The following DSCAM variants were observed in gnomAD, a reference collection of about 807,000 sequenced individuals.
The protein encoded by DSCAM is cell adhesion molecule DSCAM.
DSCAM carries 47 observed loss-of-function variants against 217.7 expected under a neutral mutation model. The observed-to-expected ratio is 0.22, with a 90% confidence interval of 0.17 to 0.28. DSCAM has a LOEUF of 0.28. DSCAM is among the 10% of genes least tolerant of loss of function. The pLI, the probability that DSCAM is intolerant of heterozygous loss-of-function variation, is 1.00. For missense variants in DSCAM, 2,080 were observed against 2,618.3 expected (o/e 0.79, Z 4.49); for synonymous variants, 1,056 against 1,015.3 (o/e 1.04, Z -0.76).
At chr21:40,290,404 C>T (rs138654415) in intron 10 of DSCAM, among the ~76,000 whole-genome samples, 4,370 of 152,020 alleles carry the variant, frequency 0.029, 101 homozygotes, top group East Asian at 0.08. Context: ...GGGTGGATCA[C>T]GAGGTCAGGA....
At chr21:40,220,595 T>A (rs1243608628) in intron 11 of DSCAM, among the ~76,000 whole-genome samples, 2 of 152,232 alleles carry the variant, frequency 1.3e-5, no homozygotes, top group Non-Finnish European at 2.9e-5. Flanking sequence ...AACTCTGCTA[T>A]GATAAACTCT....
chr21:40,418,189 T>C (rs73902611), intron 3 of DSCAM, among the ~76,000 whole-genome samples: 1,947 of 152,222 alleles, frequency 0.013, 36 homozygotes, highest in African/African-American at 0.044. Context: ...AGATTCAGTG[T>C]TATCCATTGT....
chr21:40,499,647 T>C (rs1271446022), intron 3 of DSCAM, among the ~76,000 whole-genome samples: 1 of 152,232 alleles, frequency 6.6e-6, no homozygotes, highest in African/African-American at 2.4e-5. Context: ...AAACCATATC[T>C]AAGACAGTTG....
chr21:40,657,134 G>T (rs1181162076), intron 3 of DSCAM, among the ~76,000 whole-genome samples: 1 of 152,218 alleles, frequency 6.6e-6, no homozygotes, highest in Non-Finnish European at 1.5e-5. Flanking sequence ...AGAGTGAGTT[G>T]ATGGGTGTGA....
At chr21:40,393,683 C>A (rs993680052) in intron 3 of DSCAM, among the ~76,000 whole-genome samples, 2 of 152,046 alleles carry the variant, frequency 1.3e-5, no homozygotes, top group Non-Finnish European at 2.9e-5. Flanking sequence ...TGCATATATC[C>A]GTCTATGCTT....
At chr21:40,348,488 G>A (rs73229120) in intron 5 of DSCAM, among the ~76,000 whole-genome samples, 1,609 of 151,380 alleles carry the variant, frequency 0.011, 12 homozygotes, top group Non-Finnish European at 0.016. Context: ...TACCCACACA[G>A]TTCCTATCAG....
intron 16 of DSCAM, among the ~76,000 whole-genome samples, chr21:40,149,088 C>T (rs979151231): frequency 2.6e-5 from 4 of 151,868 alleles, no homozygotes; most frequent in Non-Finnish European, 4.4e-5. Flanking sequence ...CCAACACCAA[C>T]ACAACTATCA....
At position 40,189,071 on chromosome 21, in the gene DSCAM, C is replaced by T. The variant is rs758863652; in HGVS notation, c.2524G>A (p.Val842Met). 6.2e-7 allele frequency: 1 copy of T among 1,614,172 alleles called. No homozygotes were observed. The highest frequency in any genetic ancestry group is 1.7e-5 in the Admixed American group (1 of 60,024). Residue 842 changes from valine to methionine, a missense_variant, in exon 12 of 33, where the codon GTG becomes ATG. Transcript: ENST00000400454. ...MARYLVSTKE[V>M]GEEVISTLQI... is the part of the protein sequence containing the mutation. ...AGAGTAGAAATCACCTCTTCTCCCA[C>T]CTCCTTGGTGGACACAAGATAACGG...
chr21:40,178,512 A>G (rs964223219), intron 15 of DSCAM, among the ~76,000 whole-genome samples: 2 of 152,218 alleles, frequency 1.3e-5, no homozygotes, highest in South Asian at 2.1e-4. Flanking sequence ...CACAGTAAGC[A>G]TGCTTGCAGA....
At chr21:40,232,046 T>C (rs1273883746) in intron 11 of DSCAM, among the ~76,000 whole-genome samples, 1 of 152,320 alleles carries the variant, frequency 6.6e-6, no homozygotes, top group Admixed American at 6.5e-5. Flanking sequence ...TTGAAAAATA[T>C]CATTGTTTAC....
At chr21:40,650,569 G>A (rs1333170790) in intron 3 of DSCAM, among the ~76,000 whole-genome samples, 2 of 152,196 alleles carry the variant, frequency 1.3e-5, no homozygotes, top group African/African-American at 4.8e-5. Flanking sequence ...GCAGAAGAAG[G>A]AGGAGTTTTT....
Position 40,774,646 on chromosome 21 carries a change from A to C in DSCAM, c.44-65875T>G, listed in dbSNP as rs150718120. Among the ~76,000 whole-genome samples, 1,173 of 152,316 alleles carry C rather than the reference A, an allele frequency of 7.7e-3. 17 individuals are homozygous for C. The highest frequency in any genetic ancestry group is 0.027 in the African/African-American group (1,123 of 41,570). On this transcript the variant is annotated intron_variant, in intron 1 of 32. Coordinates refer to ENST00000400454, the MANE Select transcript of DSCAM (RefSeq NM_001389.5). Reference sequence around the variant, plus strand: ...ATCTGAATATGTGAAACTATATTAAAAAGCCTAAAGTTCTGTACAAATGGA... The same window carrying C: ...ATCTGAATATGTGAAACTATATTAACAAGCCTAAAGTTCTGTACAAATGGA...
intron 3 of DSCAM, among the ~76,000 whole-genome samples, chr21:40,670,679 G>A (rs2146399961): frequency 6.6e-6 from 1 of 152,208 alleles, no homozygotes; most frequent in East Asian, 1.9e-4. Flanking sequence ...TTCTTTTCAA[G>A]ACTGACAAAT....
chr21:40,646,350 G>T (rs188183811), intron 3 of DSCAM, among the ~76,000 whole-genome samples: 1 of 150,046 alleles, frequency 6.7e-6, no homozygotes, highest in African/African-American at 2.4e-5. Context: ...GGTGGAGGTT[G>T]CAGTGAGCTG....
intron 3 of DSCAM, among the ~76,000 whole-genome samples, chr21:40,614,393 T>TTTAATTATAATGAAAAGCTAC (rs1362972138): frequency 6.6e-6 from 1 of 152,246 alleles, no homozygotes; most frequent in African/African-American, 2.4e-5. Flanking sequence ...TCAAGGTTGT[T>TTTAATTATAATGAAAAGCTAC]TTAATTATAA....
chr21:40,824,941 T>C (rs970075164), intron 1 of DSCAM, among the ~76,000 whole-genome samples: 1 of 152,354 alleles, frequency 6.6e-6, no homozygotes, highest in East Asian at 1.9e-4. Context: ...GAAGTTGTTT[T>C]CTGCTTCCAT....
At chr21:40,406,101 A>G (rs2075277576) in intron 3 of DSCAM, among the ~76,000 whole-genome samples, 1 of 152,216 alleles carries the variant, frequency 6.6e-6, no homozygotes, top group South Asian at 2.1e-4. Context: ...GCAATAACGT[A>G]TCACCTCATA....
intron 32 of DSCAM, 131 bp downstream of exon 32, chr21:40,042,240 G>T: frequency 2.1e-6 from 2 of 936,424 alleles, no homozygotes; most frequent in South Asian, 1.7e-5. Flanking sequence ...GGGATGGTTT[G>T]TTATGCAGCC....
At chr21:40,531,770 T>C (rs542099089) in intron 3 of DSCAM, among the ~76,000 whole-genome samples, 6 of 152,218 alleles carry the variant, frequency 3.9e-5, no homozygotes, top group Non-Finnish European at 8.8e-5. Context: ...CTTGCCCCCA[T>C]TCCTTTCCTT....
Sources: allele counts gnomAD v4.1 joint callset (sites outside exome capture counted in the v4.1 genomes callset), GRCh38; gene constraint gnomAD v4.1.1; transcripts MANE v1.5; gene names NCBI Gene and HGNC (gene_info 2026-07-23, HGNC 2026-07-21).